SNX29: variants seen among roughly 807,000 people sequenced by gnomAD.
SNX29 encodes the protein sorting nexin-29.
Under a neutral mutation model 102.1 loss-of-function variants are expected in SNX29, and 78 were observed. The ratio of observed to expected loss-of-function variants is 0.76; its 90% CI spans 0.64 to 0.92. The LOEUF (loss-of-function observed/expected upper bound fraction) is 0.92, where lower values mean the gene tolerates loss of function less well. SNX29 is among the 40% of genes least tolerant of loss of function. The pLI, the probability that SNX29 is intolerant of heterozygous loss-of-function variation, is 0.00. For missense variants in SNX29, 1,280 were observed against 1,061.7 expected (o/e 1.21, Z -2.86); for synonymous variants, 580 against 414.5 (o/e 1.40, Z -4.85).
chr16:12,144,600 C>T (rs537999979), intron 13 of SNX29, among the ~76,000 whole-genome samples: 1 of 152,216 alleles, frequency 6.6e-6, no homozygotes, highest in Non-Finnish European at 1.5e-5. Flanking sequence ...AGACGCCAGC[C>T]CCTTGATCGT....
At chr16:12,252,367 C>T (rs777117368) in intron 14 of SNX29, among the ~76,000 whole-genome samples, 3 of 152,230 alleles carry the variant, frequency 2.0e-5, no homozygotes, top group Non-Finnish European at 4.4e-5. Flanking sequence ...TACCTCTCAT[C>T]TCCTCTGGGT....
At chr16:12,363,823 G>C (rs895293106) in intron 16 of SNX29, among the ~76,000 whole-genome samples, 1 of 152,070 alleles carries the variant, frequency 6.6e-6, no homozygotes, top group Non-Finnish European at 1.5e-5. Flanking sequence ...TTTACATTTT[G>C]GAATATTTGC....
At chr16:12,554,085 C>A (rs75347131) in intron 20 of SNX29, among the ~76,000 whole-genome samples, 4 of 152,166 alleles carry the variant, frequency 2.6e-5, no homozygotes, top group African/African-American at 7.2e-5. Context: ...CTTGGCCTCC[C>A]AAAAGCACTT....
intron 14 of SNX29, among the ~76,000 whole-genome samples, chr16:12,203,948 C>G (rs1431024339): frequency 6.6e-6 from 1 of 152,218 alleles, no homozygotes; most frequent in East Asian, 1.9e-4. Context: ...TCCTCCCTCA[C>G]TGTCAGTCCT....
At chr16:12,210,697 T>G (rs187077329) in intron 14 of SNX29, among the ~76,000 whole-genome samples, 2 of 152,124 alleles carry the variant, frequency 1.3e-5, no homozygotes, top group Admixed American at 1.3e-4. Context: ...CAAGGTGTCC[T>G]CACCTGCTGG....
rs2079168986 is a variant in SNX29 at position 12,570,695 on chromosome 16, G to A, written c.*2066G>A. On this transcript the variant is annotated 3_prime_UTR_variant, in exon 21 of 21. Transcript: ENST00000566228. ...ATGACCTGCACCTTTTCTGACACCT[G>A]CCCCCAAAGCACAGGATGTGAATTG... 2 of 231,730 alleles carry A rather than the reference G, an allele frequency of 8.6e-6. No individual in the cohort carries two copies. The highest frequency in any genetic ancestry group is 1.7e-5 in the Non-Finnish European group (2 of 117,272). The allele number at this position is 231,730 out of a possible 1,614,324, so 14.4% of individuals were successfully genotyped here. A position where few individuals can be genotyped will look rare whatever the true frequency, so the allele number is the denominator to read the frequency against.
chr16:12,209,333 G>T (rs1479800576), intron 14 of SNX29, among the ~76,000 whole-genome samples: 1 of 152,160 alleles, frequency 6.6e-6, no homozygotes, highest in East Asian at 1.9e-4. Context: ...GGGATTACAG[G>T]CGTGTGCCAC....
At chr16:12,370,653 G>T (rs1346127302) in intron 16 of SNX29, among the ~76,000 whole-genome samples, 1 of 152,210 alleles carries the variant, frequency 6.6e-6, no homozygotes, top group Non-Finnish European at 1.5e-5. Context: ...AGCACCAAGG[G>T]CATCTTCCGG....
intron 20 of SNX29, among the ~76,000 whole-genome samples, chr16:12,567,757 T>C (rs1376699558): frequency 6.6e-6 from 1 of 151,870 alleles, no homozygotes; most frequent in Admixed American, 6.6e-5. Context: ...GTCGAGACTG[T>C]CTCCAGAAAA....
At chr16:12,126,028 A>G (rs1283656164) in intron 11 of SNX29, among the ~76,000 whole-genome samples, 5 of 151,800 alleles carry the variant, frequency 3.3e-5, no homozygotes, top group Admixed American at 2.6e-4. Context: ...AGAAAATTCT[A>G]CTATCTAGTC....
intron 20 of SNX29, among the ~76,000 whole-genome samples, chr16:12,563,894 G>T (rs968050967): frequency 1.1e-4 from 16 of 152,184 alleles, no homozygotes; most frequent in Non-Finnish European, 1.5e-4. Context: ...GGCCTCTGCC[G>T]TCTCTGGAGC....
intron 18 of SNX29, among the ~76,000 whole-genome samples, chr16:12,431,818 A>C (rs188569367): frequency 1.1e-3 from 171 of 152,354 alleles, no homozygotes; most frequent in Non-Finnish European, 1.6e-3. Flanking sequence ...ACATAGCTTT[A>C]GCTCACAAGC....
chr16:12,118,118 A>G (rs888218209), intron 11 of SNX29, among the ~76,000 whole-genome samples: 1 of 151,848 alleles, frequency 6.6e-6, no homozygotes, highest in Non-Finnish European at 1.5e-5. Context: ...CAAAGAAAAA[A>G]AACTTTCAGC....
chr16:12,551,368 T>A (rs1000621216), intron 20 of SNX29, among the ~76,000 whole-genome samples: 2 of 152,214 alleles, frequency 1.3e-5, no homozygotes, highest in Non-Finnish European at 2.9e-5. Context: ...TCTTTCCATT[T>A]GCAGAACTTC....
Position 12,454,598 on chromosome 16 carries a change from G to A in SNX29, c.2038-23121G>A, listed in dbSNP as rs1344100412. On this transcript the variant is annotated intron_variant, in intron 18 of 20. Coordinates refer to ENST00000566228, the MANE Select transcript of SNX29 (RefSeq NM_032167.5). Reference sequence around the variant, plus strand: ...GAAGAGCGAACATCGAAAATAACCCGAAGAGAGAGGTGAGGAAGAACAGAT... The same window carrying A: ...GAAGAGCGAACATCGAAAATAACCCAAAGAGAGAGGTGAGGAAGAACAGAT... 3.9e-5 allele frequency among the ~76,000 whole-genome samples: 6 copies of A among 152,188 alleles called. No homozygotes were observed. The East Asian group carries it at 7.7e-4, about 20-fold the overall frequency.
At chr16:12,431,690 T>C (rs1240971377) in intron 18 of SNX29, among the ~76,000 whole-genome samples, 1 of 152,154 alleles carries the variant, frequency 6.6e-6, no homozygotes, top group Non-Finnish European at 1.5e-5. Context: ...GAAATGATCA[T>C]GAAGAAAACT....
At position 12,569,951 on chromosome 16, in the gene SNX29, G is replaced by C; in HGVS notation, c.*1322G>C. The C allele has an allele frequency of 4.3e-6, 1 of 234,792 alleles. No individual in the cohort carries two copies. The highest frequency in any genetic ancestry group is 2.2e-5 in the African/African-American group (1 of 45,422). 14.5% of individuals were successfully genotyped at this position (234,792 alleles called of 1,614,324 possible). On this transcript the variant is annotated 3_prime_UTR_variant, in exon 21 of 21. Coordinates refer to ENST00000566228, the MANE Select transcript of SNX29 (RefSeq NM_032167.5). ...GGAGAAAAGCAGGTGGAAGGTGACG[G>C]TTAGATGGTAAGCCATGGGCTTGTC...
intron 14 of SNX29, among the ~76,000 whole-genome samples, chr16:12,248,072 C>T (rs922954980): frequency 6.6e-6 from 1 of 152,174 alleles, no homozygotes; most frequent in Non-Finnish European, 1.5e-5. Context: ...TGCTTTCATT[C>T]TGGTGATGCC....
intron 18 of SNX29, among the ~76,000 whole-genome samples, chr16:12,464,726 A>G (rs1272046541): frequency 1.3e-5 from 2 of 152,184 alleles, no homozygotes; most frequent in Non-Finnish European, 2.9e-5. Flanking sequence ...AAGAGTTGGG[A>G]TTATAGGCCT....
Sources: allele counts gnomAD v4.1 joint callset (sites outside exome capture counted in the v4.1 genomes callset), GRCh38; gene constraint gnomAD v4.1.1; transcripts MANE v1.5; gene names NCBI Gene and HGNC (gene_info 2026-07-23, HGNC 2026-07-21).